Variants in SLC29A3 observed in about 807,000 individuals in gnomAD.
SLC29A3 encodes the protein equilibrative nucleoside transporter 3.
In SLC29A3, 18 loss-of-function variants were observed where a neutral mutation model predicts 25.4. The ratio of observed to expected loss-of-function variants is 0.71; its 90% CI spans 0.49 to 1.05. The LOEUF (loss-of-function observed/expected upper bound fraction) is 1.05. Among genes scored for constraint, SLC29A3 ranks in the 50% least tolerant of loss-of-function variants. The probability of loss-of-function intolerance (pLI) is 0.00; values close to 1 mark genes in which losing one functional copy is unlikely to be tolerated. For synonymous variants in SLC29A3, 258 were observed against 267.1 expected, an observed-to-expected ratio of 0.97 and a Z score of 0.33; for missense variants, 586 against 609.0, an observed-to-expected ratio of 0.96 and a Z score of 0.40.
chr10:71,349,008 G>A (rs1366673644), intron 3 of SLC29A3, among the ~76,000 whole-genome samples: 1 of 152,092 alleles, frequency 6.6e-6, no homozygotes, highest in Non-Finnish European at 1.5e-5. Flanking sequence ...AGGGAGCTGG[G>A]GTATTTATGT....
In SLC29A3 at chr10:71,362,465, C is replaced by A. The variant is rs745445966; in HGVS notation, c.1285C>A (p.Leu429Ile). 27 of 1,614,102 alleles carry A rather than the reference C, an allele frequency of 1.7e-5. 1 individual carries two copies. Among genetic ancestry groups the A allele is most frequent in the African/African-American group, 4.0e-5 (3 of 74,942 alleles). ...SSLLGLSNGY[L>I]STLALLYGPK... ...CCTGCTGGGGCTCAGCAACGGCTAC[C>A]TCAGCACCCTGGCCCTCCTCTACGG... The change falls in exon 6 of 6, where the codon CTC (leucine) becomes ATC (isoleucine). Residue 429 changes from leucine (L) to isoleucine (I), a missense_variant. By Grantham distance (5) the Leu-to-Ile change is conservative (BLOSUM62 2). Transcript: ENST00000373189.
chr10:71,366,662 A>G (rs201630291), downstream of SLC29A3, among the ~76,000 whole-genome samples: 1 of 12,450 alleles, frequency 8.0e-5, no homozygotes, highest in Non-Finnish European at 6.6e-4. Context: ...TGCTCCAGGG[A>G]GAAGACTTCG....
intron 2 of SLC29A3, among the ~76,000 whole-genome samples, chr10:71,334,956 C>CTTTTTTTTTTTTT (rs59654006): frequency 1.5e-5 from 2 of 129,328 alleles, no homozygotes; most frequent in Non-Finnish European, 3.2e-5. Flanking sequence ...CTTTTTTTTT[C>CTTTTTTTTTTTTT]TTTTTTTTTT....
chr10:71,362,186 G>T lies in SLC29A3; in HGVS notation c.1006G>T (p.Gly336Cys). ...CACCAACATCGAGTCCCTCAACAAG[G>T]GTTCGGGCTCACTGTGGACCACCAA... ...ICTNIESLNK[G>C]SGSLWTTKFF... The change falls in exon 6 of 6, where the codon GGT (glycine) becomes TGT (cysteine). Residue 336 changes from glycine (G) to cysteine (C), a missense_variant. Gly to Cys is a radical substitution (Grantham distance 159). Transcript: ENST00000373189. The T allele has an allele frequency of 6.2e-7, 1 of 1,613,986 alleles. No homozygotes were observed. The highest frequency in any genetic ancestry group is 1.1e-5 in the South Asian group (1 of 91,056).
intron 3 of SLC29A3, among the ~76,000 whole-genome samples, chr10:71,369,951 C>T (rs935777989): frequency 1.2e-4 from 18 of 152,202 alleles, no homozygotes; most frequent in African/African-American, 3.9e-4. Flanking sequence ...GATCTGAGGA[C>T]GCCCAGAGCA....
chr10:71,378,730 G>A (rs1008778855), intron 4 of SLC29A3, among the ~76,000 whole-genome samples: 15 of 152,218 alleles, frequency 9.9e-5, no homozygotes, highest in African/African-American at 3.1e-4. Context: ...GTTTGAGAAC[G>A]ACTGTTCTGC....
intron 2 of SLC29A3, among the ~76,000 whole-genome samples, chr10:71,338,847 C>A (rs1398524765): frequency 1.3e-5 from 2 of 152,222 alleles, no homozygotes; most frequent in Non-Finnish European, 2.9e-5. Context: ...AGACACTGCC[C>A]TCCCTGAGAG....
chr10:71,378,887 A>G (rs563562455), intron 4 of SLC29A3, among the ~76,000 whole-genome samples: 2 of 152,326 alleles, frequency 1.3e-5, no homozygotes, highest in South Asian at 4.1e-4. Flanking sequence ...ATTCACTTCT[A>G]ATAAACGACT....
chr10:71,378,821 T>C (rs980890263), intron 4 of SLC29A3, among the ~76,000 whole-genome samples: 3 of 152,228 alleles, frequency 2.0e-5, no homozygotes, highest in Admixed American at 1.3e-4. Context: ...ACATCTTTTT[T>C]TGGTCTCCTT....
rs374840239 is a variant in SLC29A3, at chr10:71,345,375, C to G, written c.383+1084C>G. ...TATCCCCTCTCTCTCTCTCTTCTCT[C>G]TTTGTAGTGTCACATGTCAGCCTCA... On this transcript the variant is annotated intron_variant, in intron 3 of 5. Coordinates refer to ENST00000373189, the MANE Select transcript of SLC29A3 (RefSeq NM_018344.6). 3.9e-5 allele frequency among the ~76,000 whole-genome samples: 6 copies of G among 152,326 alleles called. No individual in the cohort carries two copies. In the South Asian group the frequency reaches 8.3e-4, roughly 21 times the overall value.
In SLC29A3 at chr10:71,362,789, G is replaced by A. The variant is rs1338747663; in HGVS notation, c.*181G>A. 5 of 760,952 alleles carry A rather than the reference G, an allele frequency of 6.6e-6. No individual in the cohort carries two copies. Among genetic ancestry groups the A allele is most frequent in the East Asian group, 5.3e-5 (2 of 37,608 alleles). 47.1% of individuals were successfully genotyped at this position (760,952 alleles called of 1,614,324 possible). A position where few individuals can be genotyped will look rare whatever the true frequency, so the allele number is the denominator to read the frequency against. ...CACGTCCATGCCCATTCCGTGCAAGGCAGATATTCCAGTCATATTAACAGA... is the reference window on the plus strand; with the variant it reads ...CACGTCCATGCCCATTCCGTGCAAGACAGATATTCCAGTCATATTAACAGA... On this transcript the variant is annotated 3_prime_UTR_variant, in exon 6 of 6. Transcript: ENST00000373189.
At chr10:71,323,803 C>T (rs1845907262) in intron 2 of SLC29A3, among the ~76,000 whole-genome samples, 2 of 152,022 alleles carry the variant, frequency 1.3e-5, no homozygotes, top group Non-Finnish European at 2.9e-5. Flanking sequence ...GGGGAGGAAA[C>T]GATCCAGGTA....
chr10:71,358,843 C>T (rs1846982215), intron 5 of SLC29A3, among the ~76,000 whole-genome samples: 1 of 152,196 alleles, frequency 6.6e-6, no homozygotes, highest in African/African-American at 2.4e-5. Context: ...GGCCAGAGTC[C>T]CTTCCAGCTG....
chr10:71,367,605 T>A (rs911792681), downstream of SLC29A3, among the ~76,000 whole-genome samples: 18 of 152,284 alleles, frequency 1.2e-4, no homozygotes, highest in African/African-American at 4.3e-4. Context: ...TTTCTGCCAC[T>A]CAGGAAGTCC....
At chr10:71,328,712 CAGA>C (rs1419434063) in intron 2 of SLC29A3, among the ~76,000 whole-genome samples, 1 of 152,200 alleles carries the variant, frequency 6.6e-6, no homozygotes, top group Non-Finnish European at 1.5e-5. Flanking sequence ...TGCAAGGGAG[CAGA>C]AGAAGATCTG....
chr10:71,362,140 C>A lies in SLC29A3; in HGVS notation c.960C>A (p.Ser320Arg), dbSNP rs200725925. ...FCVTYVFFIT[S>R]LIYPAICTNI... ...TCACCTACGTCTTCTTCATCACCAG[C>A]CTCATCTACCCCGCCATCTGCACCA... Residue 320 changes from serine to arginine, a missense_variant, in exon 6 of 6, where the codon AGC (serine) becomes AGA (arginine). Physicochemically the swap from Ser to Arg is moderately radical, Grantham distance 110. Coordinates refer to ENST00000373189, the MANE Select transcript of SLC29A3 (RefSeq NM_018344.6). 16 of 1,613,998 alleles carry A rather than the reference C, an allele frequency of 9.9e-6. No homozygotes were observed. Among genetic ancestry groups the A allele is most frequent in the Non-Finnish European group, 1.4e-5 (16 of 1,180,004 alleles).
intron 5 of SLC29A3, among the ~76,000 whole-genome samples, chr10:71,357,127 T>G (rs143027471): frequency 6.6e-6 from 1 of 151,710 alleles, no homozygotes; most frequent in African/African-American, 2.4e-5. Context: ...TAAAAAAGTT[T>G]TTGTAGGCCA....
intron 2 of SLC29A3, among the ~76,000 whole-genome samples, chr10:71,334,925 T>TC (rs3837345): frequency 0.15 from 21,947 of 150,192 alleles, 2,761 homozygotes; most frequent in African/African-American, 0.34. Context: ...CAGTCTTTTT[T>TC]CCCCCCACTT....
chr10:71,354,230 C>G (rs1275981364), intron 4 of SLC29A3, among the ~76,000 whole-genome samples: 1 of 152,202 alleles, frequency 6.6e-6, no homozygotes, highest in African/African-American at 2.4e-5. Context: ...ATCTTCATCA[C>G]AGCCCTACGA....
Sources: gnomAD v4.1 joint callset for allele counts (sites outside exome capture counted in the v4.1 genomes callset) on GRCh38, gnomAD v4.1.1 for gene constraint, MANE v1.5 for transcripts, NCBI Gene and HGNC (gene_info 2026-07-23, HGNC 2026-07-21) for gene names.